Variants in ATAD2B observed in about 807,000 individuals in gnomAD.
The protein encoded by ATAD2B is ATPase family AAA domain-containing protein 2B.
Under a neutral mutation model 167.6 loss-of-function variants are expected in ATAD2B, and 40 were observed. The observed-to-expected ratio is 0.24, with a 90% CI of 0.19 to 0.31. ATAD2B has a LOEUF of 0.31. Among genes scored for constraint, ATAD2B ranks in the 10% least tolerant of loss-of-function variants. ATAD2B has a pLI of 1.00. For missense variants in ATAD2B, 1,242 were observed against 1,757.2 expected, an observed-to-expected ratio of 0.71 and a Z score of 5.24; for synonymous variants, 579 against 596.5, an observed-to-expected ratio of 0.97 and a Z score of 0.43.
chr2:23,881,322 A>G (rs899110512), intron 6 of ATAD2B, among the ~76,000 whole-genome samples: 2 of 143,144 alleles, frequency 1.4e-5, no homozygotes, highest in African/African-American at 5.2e-5. Flanking sequence ...CTTCTAGGGT[A>G]TTGGTAATAG....
At chr2:23,732,417 G>A in the ATAD2B span, among the ~76,000 whole-genome samples, 6 of 152,158 alleles carry the variant, frequency 3.9e-5, no homozygotes, top group Non-Finnish European at 7.3e-5. Context: ...TTAGGATGGT[G>A]GTTACATTTA....
chr2:23,745,292 A>C (rs1674771517), downstream of ATAD2B, among the ~76,000 whole-genome samples: 2 of 151,832 alleles, frequency 1.3e-5, no homozygotes, highest in Non-Finnish European at 2.9e-5. Flanking sequence ...ACAGCAAGCA[A>C]GCAAGCACGC....
At chr2:23,910,288 C>G (rs1273751442) in intron 1 of ATAD2B, among the ~76,000 whole-genome samples, 5 of 150,920 alleles carry the variant, frequency 3.3e-5, no homozygotes, top group African/African-American at 1.2e-4. Flanking sequence ...AAGTGGTTCT[C>G]CAGCCTCAAC....
At chr2:23,919,337 AG>A (rs747247610) in intron 1 of ATAD2B, among the ~76,000 whole-genome samples, 14 of 152,162 alleles carry the variant, frequency 9.2e-5, no homozygotes, top group Non-Finnish European at 1.5e-4. Flanking sequence ...GCTTAAGCCC[AG>A]GAGTTCAAGA....
rs778561529 is a variant in ATAD2B at position 23,757,968 on chromosome 2, C to G, written c.3528G>C (p.Arg1176Ser). 1 of 1,613,664 alleles carries G rather than the reference C, an allele frequency of 6.2e-7. No individual in the cohort carries two copies. The highest frequency in any genetic ancestry group is 1.7e-5 in the Admixed American group (1 of 59,978). ...FADYENHTED[R>S]KLLENGEFEV... Reference sequence around the variant, plus strand: ...CAAACTCTCCATTCTCTAATAATTTCCTGTCCTCCGTATGGTTCTCATAGT... The same window carrying G: ...CAAACTCTCCATTCTCTAATAATTTGCTGTCCTCCGTATGGTTCTCATAGT... The change falls in exon 25 of 28, where the codon AGG (arginine) becomes AGC (serine). Residue 1176 changes from arginine to serine, a missense_variant. Around this residue, in one of 9 missense-constraint regions of ATAD2B, gnomAD observed 282 missense variants for 346.8 expected, o/e 0.81. Transcript: ENST00000238789.
intron 7 of ATAD2B, among the ~76,000 whole-genome samples, chr2:23,878,828 A>G (rs1463172236): frequency 6.6e-6 from 1 of 152,202 alleles, no homozygotes; most frequent in Non-Finnish European, 1.5e-5. Flanking sequence ...TCAAAACTCA[A>G]TAATAAGAAA....
intron 18 of ATAD2B, among the ~76,000 whole-genome samples, 197 bp downstream of exon 18, chr2:23,810,119 A>G (rs1460686018): frequency 6.6e-6 from 1 of 152,222 alleles, no homozygotes; most frequent in Non-Finnish European, 1.5e-5. Context: ...TGAGAAAGAC[A>G]ATGAGCTCAC....
the ATAD2B span, among the ~76,000 whole-genome samples, chr2:23,713,307 C>G: frequency 6.6e-6 from 1 of 152,174 alleles, no homozygotes; most frequent in Admixed American, 6.5e-5. Context: ...TTCAATTCAC[C>G]CCCTAAATTC....
chr2:23,705,567 T>C, the ATAD2B span, among the ~76,000 whole-genome samples: 1 of 151,076 alleles, frequency 6.6e-6, no homozygotes, highest in South Asian at 2.1e-4. Context: ...AATCAGGTAA[T>C]AGGTGCACCA....
chr2:23,868,323 C>T lies in ATAD2B; in HGVS notation c.1077-377G>A, dbSNP rs576858537. ...TAAGCTACTGATTGATTGATTGAGA[C>T]AAGATCTCACTCTGTTGCCCAGGAT... On this transcript the variant is annotated intron_variant, in intron 9 of 27. Transcript: ENST00000238789. 6.6e-5 allele frequency among the ~76,000 whole-genome samples: 10 copies of T among 152,278 alleles called. No homozygotes were observed. In the South Asian group the frequency reaches 1.9e-3, roughly 28 times the overall value.
the ATAD2B span, chr2:23,696,896 G>A: frequency 5.5e-6 from 1 of 180,776 alleles, no homozygotes; most frequent in Non-Finnish European, 1.2e-5. This position sits in a 1 kb window ranked among gnomAD's most constrained non-coding sequence, Gnocchi z 5.5. Context: ...GACTGCTGGG[G>A]TTTCGGGCAA....
intron 8 of ATAD2B, among the ~76,000 whole-genome samples, chr2:23,873,497 C>T (rs1312857524): frequency 1.3e-5 from 2 of 152,192 alleles, no homozygotes; most frequent in South Asian, 4.1e-4. Flanking sequence ...TCCTCCCACA[C>T]ACTTTTTTTG....
Position 23,895,914 on chromosome 2 carries a change from G to A in ATAD2B, c.273C>T (p.Arg91=). 6.2e-7 allele frequency: 1 copy of A among 1,613,278 alleles called. No homozygotes were observed. Among genetic ancestry groups the A allele is most frequent in the South Asian group, 1.1e-5 (1 of 91,046 alleles). ...SDSHVSPPAK[R]TLKQPDSVCK... ...AAACAGAATCAGGTTGTTTCAAAGTGCGTTTGGCTGGAGGAGATACGTGGC... is the reference window on the plus strand; with the variant it reads ...AAACAGAATCAGGTTGTTTCAAAGTACGTTTGGCTGGAGGAGATACGTGGC... The change falls in exon 2 of 28, where the codon CGC becomes CGT. Residue 91 remains arginine (R), a synonymous_variant. Coordinates refer to ENST00000238789, the MANE Select transcript of ATAD2B (RefSeq NM_017552.4).
chr2:23,683,679 CT>C, the ATAD2B span, among the ~76,000 whole-genome samples: 2 of 152,210 alleles, frequency 1.3e-5, no homozygotes, highest in Non-Finnish European at 2.9e-5. Flanking sequence ...ATCTGCCGGG[CT>C]GTAAAGCAGG....
the ATAD2B span, chr2:23,697,933 C>T: frequency 2.0e-5 from 3 of 152,226 alleles, no homozygotes; most frequent in African/African-American, 7.2e-5. Flanking sequence ...GTAAACTGAA[C>T]TGGATCCGTC....
At chr2:23,840,105 T>C (rs1424252606) in intron 13 of ATAD2B, among the ~76,000 whole-genome samples, 1 of 152,218 alleles carries the variant, frequency 6.6e-6, no homozygotes, top group Non-Finnish European at 1.5e-5. Flanking sequence ...TATATAGATA[T>C]GCCACAATTT....
At chr2:23,681,418 C>T in the ATAD2B span, among the ~76,000 whole-genome samples, 6 of 152,118 alleles carry the variant, frequency 3.9e-5, no homozygotes, top group Admixed American at 2.0e-4. The surrounding 1 kb of genome is among the most constrained non-coding windows in gnomAD (Gnocchi z 4.2). Context: ...GTGTCACGGC[C>T]GGGGCTGGGG....
At chr2:23,823,623 A>G in intron 15 of ATAD2B, 54 bp from the exon 16 acceptor site, 1 of 1,482,322 alleles carries the variant, frequency 6.7e-7, no homozygotes. Context: ...TCCATGCACC[A>G]ACTATGTTTT....
intron 19 of ATAD2B, among the ~76,000 whole-genome samples, chr2:23,796,846 G>A (rs571843899): frequency 1.3e-5 from 2 of 152,202 alleles, no homozygotes; most frequent in East Asian, 1.9e-4. Flanking sequence ...ACATGTTATA[G>A]ATGAAAATGA....
Sources: gnomAD v4.1 joint callset for allele counts (sites outside exome capture counted in the v4.1 genomes callset) on GRCh38, gnomAD v4.1.1 for gene constraint, gnomAD v4.1.1 regional missense constraint, Gnocchi (gnomAD v3.1) non-coding constraint, MANE v1.5 for transcripts, NCBI Gene and HGNC (gene_info 2026-07-23, HGNC 2026-07-21) for gene names.